Variants in ALCAM observed in about 807,000 individuals in gnomAD.
ALCAM encodes the protein activated leukocyte cell adhesion molecule.
ALCAM carries 30 observed loss-of-function variants against 70.9 expected under a neutral mutation model. That is an observed-to-expected ratio of 0.42 (90% CI 0.32 to 0.57). ALCAM has a LOEUF of 0.57. ALCAM is among the 20% of genes least tolerant of loss of function. The pLI, the probability that ALCAM is intolerant of heterozygous loss-of-function variation, is 0.11. For missense variants in ALCAM, 591 were observed against 695.1 expected, an observed-to-expected ratio of 0.85 and a Z score of 1.68; for synonymous variants, 249 against 242.5, an observed-to-expected ratio of 1.03 and a Z score of -0.25.
intron 15 of ALCAM, among the ~76,000 whole-genome samples, chr3:105,573,775 G>A (rs557163150): frequency 1.5e-4 from 23 of 152,184 alleles, no homozygotes; most frequent in African/African-American, 5.1e-4. Flanking sequence ...AGTAAACCTC[G>A]GGTTCATTAT....
chr3:105,374,056 G>A lies in ALCAM; in HGVS notation c.73+6575G>A, dbSNP rs540443236. ...TATTCGTAAAGGACCTGTGATTAAG[G>A]ATGAAAAAGACTTTGGTCATTGGAG... On this transcript the variant is annotated intron_variant, in intron 1 of 15. Transcript: ENST00000306107. Among the ~76,000 whole-genome samples the A allele has an allele frequency of 1.2e-4, 19 of 152,324 alleles. No individual in the cohort carries two copies. In the East Asian group the frequency reaches 3.1e-3, roughly 25 times the overall value.
At chr3:105,513,005 A>G (rs1298275193) in intron 1 of ALCAM, among the ~76,000 whole-genome samples, 1 of 151,912 alleles carries the variant, frequency 6.6e-6, no homozygotes, top group East Asian at 1.9e-4. Context: ...CTACTTTAAA[A>G]CAAAATAGAG....
intron 1 of ALCAM, among the ~76,000 whole-genome samples, chr3:105,372,807 G>A (rs1935268177): frequency 6.6e-6 from 1 of 152,068 alleles, no homozygotes; most frequent in African/African-American, 2.4e-5. Flanking sequence ...TTAAGGAACT[G>A]ATGCAAAATC....
intron 14 of ALCAM, among the ~76,000 whole-genome samples, chr3:105,562,229 C>T (rs764654218): frequency 6.6e-6 from 1 of 152,182 alleles, no homozygotes; most frequent in Non-Finnish European, 1.5e-5. Flanking sequence ...TTAGATGTTG[C>T]CTCCCAGAAA....
intron 1 of ALCAM, among the ~76,000 whole-genome samples, chr3:105,367,987 C>T (rs1463885218): frequency 6.6e-6 from 1 of 151,858 alleles, no homozygotes; most frequent in African/African-American, 2.4e-5. Context: ...CTTTAATCAC[C>T]TCCCCCCGCC....
intron 1 of ALCAM, among the ~76,000 whole-genome samples, chr3:105,444,673 T>C (rs1937255951): frequency 6.6e-6 from 1 of 152,232 alleles, no homozygotes; most frequent in Admixed American, 6.5e-5. Flanking sequence ...GTTTGCAAGG[T>C]GATTATCTTC....
chr3:105,552,405 A>T, intron 13 of ALCAM, 63 bp from the exon 14 acceptor site: 1 of 1,514,444 alleles, frequency 6.6e-7, no homozygotes, highest in South Asian at 1.1e-5. Flanking sequence ...TAATAGCTAG[A>T]TTGACTTTCT....
At chr3:105,381,903 T>A (rs1935531857) in intron 1 of ALCAM, among the ~76,000 whole-genome samples, 1 of 151,588 alleles carries the variant, frequency 6.6e-6, no homozygotes, top group South Asian at 2.1e-4. Context: ...TATTGTCATA[T>A]TTTATTTTAC....
At chr3:105,456,841 A>AC (rs529709480) in intron 1 of ALCAM, among the ~76,000 whole-genome samples, 9 of 152,156 alleles carry the variant, frequency 5.9e-5, no homozygotes, top group Non-Finnish European at 8.8e-5. Context: ...AGAAAAAAAA[A>AC]CCCTCTAGTT....
At chr3:105,547,689 A>C (rs1940286522) in intron 11 of ALCAM, among the ~76,000 whole-genome samples, 166 bp downstream of exon 11, 1 of 151,374 alleles carries the variant, frequency 6.6e-6, no homozygotes, top group African/African-American at 2.4e-5. Flanking sequence ...AGCTTTTGCT[A>C]ACTTCTTAAT....
intron 3 of ALCAM, chr3:105,531,107 A>G (rs1463255104): frequency 6.6e-6 from 1 of 152,100 alleles, no homozygotes; most frequent in East Asian, 1.9e-4. Flanking sequence ...CAATGAGGCA[A>G]TATACTTTTT....
At chr3:105,444,950 A>G (rs1027783155) in intron 1 of ALCAM, among the ~76,000 whole-genome samples, 2 of 152,188 alleles carry the variant, frequency 1.3e-5, no homozygotes, top group African/African-American at 4.8e-5. Flanking sequence ...ATACATTCCA[A>G]ATACATCCAG....
chr3:105,524,404 C>T lies in ALCAM; in HGVS notation c.290C>T (p.Thr97Ile), dbSNP rs748817733. ...KDRLNLSENY[T>I]LSISNARISD... is the part of the protein sequence containing the mutation. Reference sequence around the variant, plus strand: ...AGATTGAACCTCTCAGAAAACTACACTTTGTCTATCAGTAATGCAAGGATC... The same window carrying T: ...AGATTGAACCTCTCAGAAAACTACATTTTGTCTATCAGTAATGCAAGGATC... The change falls in exon 3 of 16, where the codon ACT becomes ATT. Residue 97 changes from threonine to isoleucine, a missense_variant. This residue lies in a region of ALCAM where 427 missense variants were observed against 450.4 expected (regional missense o/e 0.95). Coordinates refer to ENST00000306107, the MANE Select transcript of ALCAM (RefSeq NM_001627.4). 1 of 1,614,036 alleles carries T rather than the reference C, an allele frequency of 6.2e-7. No individual in the cohort carries two copies. Among genetic ancestry groups the T allele is most frequent in the African/African-American group, 1.3e-5 (1 of 74,928 alleles).
intron 1 of ALCAM, among the ~76,000 whole-genome samples, chr3:105,450,804 C>T (rs982091609): frequency 6.6e-6 from 1 of 151,852 alleles, no homozygotes; most frequent in Non-Finnish European, 1.5e-5. Context: ...GGGCAAAGAG[C>T]CTAGAATGGA....
At chr3:105,526,810 T>C (rs1269392548) in intron 3 of ALCAM, among the ~76,000 whole-genome samples, 4 of 152,190 alleles carry the variant, frequency 2.6e-5, no homozygotes, top group Non-Finnish European at 4.4e-5. Flanking sequence ...CATGTGTATA[T>C]TGCAGTCACT....
intron 1 of ALCAM, among the ~76,000 whole-genome samples, chr3:105,384,315 A>G (rs767562708): frequency 1.3e-5 from 2 of 151,668 alleles, no homozygotes; most frequent in Non-Finnish European, 1.5e-5. Flanking sequence ...TCATTATTCA[A>G]TGGTACTTAA....
At chr3:105,524,745 C>T (rs778428877) in intron 3 of ALCAM, 128 of 1,266,540 alleles carry the variant, frequency 1.0e-4, no homozygotes, top group Non-Finnish European at 1.2e-4. Context: ...GTTACTTTGT[C>T]ATGTAAAAAT....
At position 105,471,941 on chromosome 3, in the gene ALCAM, A is replaced by G. The variant is rs1373101738; in HGVS notation, c.74-48126A>G. Among the ~76,000 whole-genome samples the G allele has an allele frequency of 5.3e-5, 8 of 151,164 alleles. No homozygotes were observed. In the South Asian group the frequency reaches 1.7e-3, roughly 31 times the overall value. ...GTATTCTTTGACCAGCATCTTCCCA[A>G]CCTTCTCTCCCAATGACTACCCCAG... is the stretch of plus-strand genomic sequence containing the variant. On this transcript the variant is annotated intron_variant, in intron 1 of 15. Transcript: ENST00000306107.
intron 1 of ALCAM, among the ~76,000 whole-genome samples, chr3:105,422,003 A>T (rs1435611833): frequency 6.6e-6 from 1 of 151,118 alleles, no homozygotes; most frequent in African/African-American, 2.4e-5. Context: ...CAATTTTCCC[A>T]CTTGGAGTCT....
Sources: gnomAD v4.1 joint callset for allele counts (sites outside exome capture counted in the v4.1 genomes callset) on GRCh38, gnomAD v4.1.1 for gene constraint, gnomAD v4.1.1 regional missense constraint, MANE v1.5 for transcripts, NCBI Gene and HGNC (gene_info 2026-07-23, HGNC 2026-07-21) for gene names.